The following GLI2 variants were observed in gnomAD, a reference collection of about 807,000 sequenced individuals.
GLI2 encodes GLI family zinc finger 2.
A neutral mutation model predicts 78.9 loss-of-function variants in GLI2; 22 were observed. The ratio of observed to expected loss-of-function variants is 0.28; its 90% CI spans 0.20 to 0.40. GLI2 has a LOEUF of 0.40. Among genes scored for constraint, GLI2 ranks in the 10% least tolerant of loss-of-function variants. The pLI, the probability that GLI2 is intolerant of heterozygous loss-of-function variation, is 1.00. For missense variants in GLI2, 2,097 were observed against 2,213.2 expected (o/e 0.95, Z 1.05); for synonymous variants, 974 against 963.7 (o/e 1.01, Z -0.20).
At chr2:120,927,589 G>A in intron 3 of GLI2, 123 bp downstream of exon 3, 1 of 769,166 alleles carries the variant, frequency 1.3e-6, no homozygotes, top group South Asian at 1.4e-5. Context: ...GATCTACATT[G>A]TCCTGAGCGG....
intron 2 of GLI2, among the ~76,000 whole-genome samples, chr2:120,856,707 C>T (rs1687661502): frequency 6.6e-6 from 1 of 152,124 alleles, no homozygotes; most frequent in Non-Finnish European, 1.5e-5. Flanking sequence ...CTTGCCTGAC[C>T]ACTGCCCTCC....
intron 1 of GLI2, among the ~76,000 whole-genome samples, chr2:120,787,593 C>G (rs1351495381): frequency 6.6e-6 from 1 of 152,216 alleles, no homozygotes; most frequent in Non-Finnish European, 1.5e-5. Flanking sequence ...ATTTTCCCTC[C>G]TCAGGGCAGA....
chr2:120,944,331 T>G (rs1488723260), intron 3 of GLI2, among the ~76,000 whole-genome samples: 2 of 152,180 alleles, frequency 1.3e-5, no homozygotes, highest in Non-Finnish European at 2.9e-5. Context: ...ACCTACTAAG[T>G]GCCTGGTGCT....
At chr2:120,959,866 G>A (rs1681459945) in intron 5 of GLI2, among the ~76,000 whole-genome samples, 2 of 152,320 alleles carry the variant, frequency 1.3e-5, no homozygotes, top group South Asian at 2.1e-4. Flanking sequence ...CATCCCTGGC[G>A]CCAGCAGTGC....
At chr2:120,759,719 A>G (rs942698074) in intron 1 of GLI2, among the ~76,000 whole-genome samples, 1 of 152,096 alleles carries the variant, frequency 6.6e-6, no homozygotes, top group African/African-American at 2.4e-5. Flanking sequence ...TTGGTGATCA[A>G]CTTAACCTTC....
intron 5 of GLI2, among the ~76,000 whole-genome samples, chr2:120,966,753 G>A (rs1050489481): frequency 2.6e-5 from 4 of 152,228 alleles, no homozygotes; most frequent in Non-Finnish European, 5.9e-5. Flanking sequence ...TGCGGGCTCT[G>A]CCCTCACACA....
chr2:120,855,112 A>G (rs1214735465), intron 2 of GLI2, among the ~76,000 whole-genome samples: 2 of 152,270 alleles, frequency 1.3e-5, no homozygotes, highest in Non-Finnish European at 2.9e-5. Context: ...GCAAATGAGC[A>G]GAGGAAAACA....
chr2:120,774,447 CAAA>C (rs998084024), intron 1 of GLI2, among the ~76,000 whole-genome samples: 1 of 152,168 alleles, frequency 6.6e-6, no homozygotes, highest in African/African-American at 2.4e-5. Context: ...ATCACCCTCT[CAAA>C]AAACCCTATA....
intron 9 of GLI2, among the ~76,000 whole-genome samples, chr2:120,977,673 G>C (rs911022348): frequency 7.2e-5 from 11 of 152,196 alleles, no homozygotes; most frequent in African/African-American, 2.7e-4. Context: ...AGCCTTACCC[G>C]AGATACGCGG....
At chr2:120,907,436 C>G (rs903180866) in intron 2 of GLI2, among the ~76,000 whole-genome samples, 8 of 152,282 alleles carry the variant, frequency 5.3e-5, no homozygotes, top group African/African-American at 1.7e-4. Flanking sequence ...GACTCTGGGG[C>G]TCTGGGTGGC....
intron 2 of GLI2, among the ~76,000 whole-genome samples, chr2:120,838,506 T>C (rs1057313656): frequency 1.3e-5 from 2 of 152,236 alleles, no homozygotes; most frequent in Non-Finnish European, 2.9e-5. Context: ...CCTCTTACTG[T>C]GCTGTCTAGA....
chr2:120,917,269 A>G (rs567084554), intron 2 of GLI2, among the ~76,000 whole-genome samples: 1 of 152,270 alleles, frequency 6.6e-6, no homozygotes, highest in Non-Finnish European at 1.5e-5. Flanking sequence ...CAAATTGTAC[A>G]TTAAGCGTGG....
intron 1 of GLI2, among the ~76,000 whole-genome samples, chr2:120,772,895 A>G (rs1038311691): frequency 6.6e-6 from 1 of 152,096 alleles, no homozygotes; most frequent in African/African-American, 2.4e-5. Context: ...TGGGTTTCAA[A>G]TTCTTGGGTA....
chr2:120,855,866 G>C (rs909000998), intron 2 of GLI2, among the ~76,000 whole-genome samples: 1 of 152,174 alleles, frequency 6.6e-6, no homozygotes, highest in Non-Finnish European at 1.5e-5. Flanking sequence ...CTGAGCCTCT[G>C]TGCTGGGCCT....
chr2:120,984,668 C>G lies in GLI2; in HGVS notation c.1830C>G (p.Ser610Arg). 1 of 1,613,796 alleles carries G rather than the reference C, an allele frequency of 6.2e-7. No homozygotes were observed. The highest frequency in any genetic ancestry group is 8.5e-7 in the Non-Finnish European group (1 of 1,179,998). The part of the protein sequence containing the change: ...EAGTEPGGPE[S>R]TEASSTSQAV... Reference sequence around the variant, plus strand: ...GCACGGAGCCTGGCGGCCCAGAGAGCACCGAGGCCAGCAGCACCAGCCAGG... The same window carrying G: ...GCACGGAGCCTGGCGGCCCAGAGAGGACCGAGGCCAGCAGCACCAGCCAGG... The change falls in exon 12 of 14, where the codon AGC (serine) becomes AGG (arginine). Residue 610 changes from serine (S) to arginine (R), a missense_variant. Coordinates refer to ENST00000361492, the MANE Select transcript of GLI2 (RefSeq NM_001374353.1).
At chr2:120,770,768 G>A (rs1042767626) in intron 1 of GLI2, among the ~76,000 whole-genome samples, 4 of 152,148 alleles carry the variant, frequency 2.6e-5, no homozygotes, top group East Asian at 3.9e-4. Context: ...GCTCAGCAGC[G>A]GGCCAGGTGC....
chr2:120,942,535 A>G (rs1680499729), intron 3 of GLI2, among the ~76,000 whole-genome samples: 1 of 152,230 alleles, frequency 6.6e-6, no homozygotes, highest in Non-Finnish European at 1.5e-5. Context: ...CCTTGTCTTA[A>G]TCACATCTGT....
rs1454193197 is a variant in GLI2, at chr2:120,737,513, C to G, written c.-31+1228C>G. 6.6e-6 allele frequency among the ~76,000 whole-genome samples: 1 copy of G among 152,206 alleles called. No individual in the cohort carries two copies. The highest frequency in any genetic ancestry group is 2.4e-5 in the African/African-American group (1 of 41,454). ...GGAAAAGTAGACCTGTCCCTACTGT[C>G]TGGTCCCGCGCCCTGGGAGTCTTGT... On this transcript the variant is annotated intron_variant, in intron 1 of 13. Transcript: ENST00000361492. This position sits in a 1 kb window ranked among gnomAD's most constrained non-coding sequence, Gnocchi z 4.3.
In GLI2 at chr2:120,990,328, C is replaced by A; in HGVS notation, c.4363C>A (p.Gln1455Lys). Residue 1455 changes from glutamine to lysine, a missense_variant, in exon 14 of 14, where the codon CAG becomes AAG. Coordinates refer to ENST00000361492, the MANE Select transcript of GLI2 (RefSeq NM_001374353.1). Reference protein sequence around the residue: ...NLGSCQVMRSQPPQPQACQDS... With the variant: ...NLGSCQVMRSKPPQPQACQDS... ...CGGGAGCTGCCAGGTCATGCGGTCC[C>A]AGCCACCACAGCCACAGGCCTGTCA... The A allele has an allele frequency of 6.2e-7, 1 of 1,613,836 alleles. No individual in the cohort carries two copies. The highest frequency in any genetic ancestry group is 8.5e-7 in the Non-Finnish European group (1 of 1,180,038).
Sources: gnomAD v4.1 joint callset for allele counts (sites outside exome capture counted in the v4.1 genomes callset) on GRCh38, gnomAD v4.1.1 for gene constraint, Gnocchi (gnomAD v3.1) non-coding constraint, MANE v1.5 for transcripts, NCBI Gene and HGNC (gene_info 2026-07-23, HGNC 2026-07-21) for gene names.